The following ELMO1 variants were observed in gnomAD, a reference collection of about 807,000 sequenced individuals.
The protein encoded by ELMO1 is engulfment and cell motility 1.
Under a neutral mutation model 98.9 loss-of-function variants are expected in ELMO1, and 26 were observed. The ratio of observed to expected loss-of-function variants is 0.26; its 90% confidence interval spans 0.19 to 0.36. The LOEUF is 0.36. ELMO1 is among the 10% of genes least tolerant of loss of function. The pLI, the probability that ELMO1 is intolerant of heterozygous loss-of-function variation, is 1.00. For synonymous variants in ELMO1, 346 were observed against 346.0 expected, an observed-to-expected ratio of 1.00 and a Z score of 0.00; for missense variants, 627 against 935.2, an observed-to-expected ratio of 0.67 and a Z score of 4.30.
At chr7:37,168,776 C>A (rs1789931950) in intron 13 of ELMO1, among the ~76,000 whole-genome samples, 1 of 152,204 alleles carries the variant, frequency 6.6e-6, no homozygotes. Flanking sequence ...TTAGGCTGCT[C>A]AGGGTTCAGG....
chr7:37,245,582 A>G (rs1794965174), intron 6 of ELMO1, among the ~76,000 whole-genome samples: 1 of 151,980 alleles, frequency 6.6e-6, no homozygotes, highest in Admixed American at 6.6e-5. Flanking sequence ...AAAAATATTT[A>G]CTATTTCCCA....
At chr7:37,422,982 G>A (rs967969920) in intron 1 of ELMO1, among the ~76,000 whole-genome samples, 2 of 152,142 alleles carry the variant, frequency 1.3e-5, no homozygotes, top group African/African-American at 4.8e-5. Context: ...TTTACAGATG[G>A]GGAATTGAGA....
chr7:37,251,066 T>C (rs1369803681), intron 6 of ELMO1, among the ~76,000 whole-genome samples: 1 of 152,176 alleles, frequency 6.6e-6, no homozygotes, highest in Non-Finnish European at 1.5e-5. Context: ...GTCTGTGTGC[T>C]TAGAGGCATG....
chr7:37,210,367 C>T (rs1792886612), intron 13 of ELMO1, among the ~76,000 whole-genome samples: 1 of 151,924 alleles, frequency 6.6e-6, no homozygotes, highest in South Asian at 2.1e-4. Context: ...AGTAATGAAA[C>T]ACAGTAATAT....
chr7:37,212,627 C>T (rs137927965), intron 12 of ELMO1, among the ~76,000 whole-genome samples: 2 of 152,266 alleles, frequency 1.3e-5, no homozygotes, highest in African/African-American at 2.4e-5. Flanking sequence ...TGAAGTGCCA[C>T]GGCAGCTACA....
intron 2 of ELMO1, among the ~76,000 whole-genome samples, chr7:37,333,111 C>T (rs1475636222): frequency 3.3e-5 from 5 of 152,158 alleles, no homozygotes; most frequent in African/African-American, 1.2e-4. Context: ...ACTAGAAAAG[C>T]ACATATTTTA....
At chr7:36,961,936 G>A (rs2129121256) in intron 16 of ELMO1, among the ~76,000 whole-genome samples, 1 of 152,298 alleles carries the variant, frequency 6.6e-6, no homozygotes, top group Admixed American at 6.5e-5. Context: ...AAAAAATCCT[G>A]ACTCAGCAAG....
At chr7:37,335,490 G>A (rs530348752) in intron 2 of ELMO1, among the ~76,000 whole-genome samples, 2 of 152,282 alleles carry the variant, frequency 1.3e-5, no homozygotes, top group African/African-American at 4.8e-5. Flanking sequence ...ATGGAAGGAT[G>A]CAAAGCCACC....
chr7:36,925,957 A>T (rs1463321138), intron 16 of ELMO1, among the ~76,000 whole-genome samples: 1 of 152,070 alleles, frequency 6.6e-6, no homozygotes, highest in African/African-American at 2.4e-5. Context: ...GACACCCAGG[A>T]CTGACTACAG....
At chr7:36,873,329 G>A (rs1803690179) in intron 19 of ELMO1, among the ~76,000 whole-genome samples, 1 of 152,156 alleles carries the variant, frequency 6.6e-6, no homozygotes, top group African/African-American at 2.4e-5. Flanking sequence ...GCTGCAGGGG[G>A]CTCTTGATGA....
intron 13 of ELMO1, among the ~76,000 whole-genome samples, chr7:37,177,353 A>G (rs1330121823): frequency 1.3e-5 from 2 of 152,152 alleles, no homozygotes; most frequent in Non-Finnish European, 2.9e-5. Context: ...GAAAGTACAA[A>G]GAAGTGGCAT....
At chr7:36,951,793 G>T (rs1787986924) in intron 16 of ELMO1, among the ~76,000 whole-genome samples, 2 of 152,180 alleles carry the variant, frequency 1.3e-5, no homozygotes, top group African/African-American at 4.8e-5. Context: ...CTTCTGTTTT[G>T]CTTTTACATG....
chr7:37,417,732 C>T (rs924228583), intron 1 of ELMO1, among the ~76,000 whole-genome samples: 1 of 151,884 alleles, frequency 6.6e-6, no homozygotes, highest in African/African-American at 2.4e-5. Context: ...GTCCCAGCTA[C>T]TCGGGAGGCT....
At chr7:36,880,487 T>G (rs1804362955) in intron 18 of ELMO1, among the ~76,000 whole-genome samples, 1 of 152,182 alleles carries the variant, frequency 6.6e-6, no homozygotes, top group Non-Finnish European at 1.5e-5. Context: ...TTTGTAAGAC[T>G]TCGAAAATTT....
At chr7:37,051,602 T>C (rs1187274732) in intron 15 of ELMO1, among the ~76,000 whole-genome samples, 1 of 152,168 alleles carries the variant, frequency 6.6e-6, no homozygotes, top group African/African-American at 2.4e-5. Context: ...TGTCTCTCTT[T>C]CTACCAAACT....
chr7:37,310,004 C>T (rs752626157), intron 4 of ELMO1, among the ~76,000 whole-genome samples: 1 of 152,120 alleles, frequency 6.6e-6, no homozygotes, highest in Non-Finnish European at 1.5e-5. Flanking sequence ...CAAGGGAGTG[C>T]ACAATTCTGG....
intron 13 of ELMO1, among the ~76,000 whole-genome samples, chr7:37,164,659 A>G (rs1215113507): frequency 6.6e-6 from 1 of 151,352 alleles, no homozygotes; most frequent in Non-Finnish European, 1.5e-5. Flanking sequence ...GATATGTGGC[A>G]TTATTTCTGA....
At chr7:37,086,802 A>G (rs1313167135) in intron 15 of ELMO1, among the ~76,000 whole-genome samples, 2 of 129,156 alleles carry the variant, frequency 1.5e-5, no homozygotes, top group Non-Finnish European at 3.4e-5. Flanking sequence ...AAAAATATCA[A>G]TTCTCCCTTA....
At chr7:37,341,326 C>T (rs1020526267) in intron 2 of ELMO1, among the ~76,000 whole-genome samples, 1 of 152,218 alleles carries the variant, frequency 6.6e-6, no homozygotes, top group Non-Finnish European at 1.5e-5. Flanking sequence ...TACATTTAGT[C>T]TGCACCGAGT....
Sources: gnomAD v4.1 joint callset for allele counts (sites outside exome capture counted in the v4.1 genomes callset) on GRCh38, gnomAD v4.1.1 for gene constraint, MANE v1.5 for transcripts, NCBI Gene and HGNC (gene_info 2026-07-23, HGNC 2026-07-21) for gene names.